Variants in NUDCD1 observed in about 807,000 individuals in gnomAD.
NUDCD1 encodes the protein nudC domain-containing protein 1.
NUDCD1 carries 60 observed loss-of-function variants against 67.8 expected under a neutral mutation model. The ratio of observed to expected loss-of-function variants is 0.88; its 90% CI spans 0.72 to 1.10. The LOEUF is 1.10. Ranked by LOEUF, NUDCD1 falls within the 50% of genes least tolerant of loss-of-function variation. The pLI, the probability that NUDCD1 is intolerant of heterozygous loss-of-function variation, is 0.00. For synonymous variants in NUDCD1, 244 were observed against 230.8 expected (o/e 1.06, Z -0.52); for missense variants, 643 against 695.0 (o/e 0.93, Z 0.84).
intron 9 of NUDCD1, 122 bp from the exon 10 acceptor site, chr8:109,243,423 A>T: frequency 1.4e-6 from 1 of 723,166 alleles, no homozygotes; most frequent in Non-Finnish European, 2.2e-6. Context: ...AGTAAAATAT[A>T]TACCATAAGG....
At chr8:109,265,979 C>A (rs559561778) in intron 8 of NUDCD1, among the ~76,000 whole-genome samples, 4 of 152,050 alleles carry the variant, frequency 2.6e-5, no homozygotes, top group African/African-American at 9.6e-5. Flanking sequence ...AAGAAATTCA[C>A]CATAATCTAA....
chr8:109,267,914 C>T (rs1033531295), intron 8 of NUDCD1, among the ~76,000 whole-genome samples: 6 of 152,130 alleles, frequency 3.9e-5, no homozygotes, highest in African/African-American at 7.2e-5. Flanking sequence ...AGCTTAGTAA[C>T]TCCAAATAGA....
chr8:109,312,318 A>AG (rs1815276230), intron 2 of NUDCD1, among the ~76,000 whole-genome samples: 1 of 151,344 alleles, frequency 6.6e-6, no homozygotes, highest in Non-Finnish European at 1.5e-5. Context: ...AAAAAAAAAA[A>AG]AAGCCCCAAA....
intron 1 of NUDCD1, among the ~76,000 whole-genome samples, chr8:109,333,167 A>C (rs1440978043): frequency 6.6e-6 from 1 of 152,256 alleles, no homozygotes; most frequent in Non-Finnish European, 1.5e-5. Context: ...AATTAACTGT[A>C]GATCACTATT....
Position 109,329,486 on chromosome 8 carries a change from T to C in NUDCD1, c.118+4407A>G, listed in dbSNP as rs538951183. Among the ~76,000 whole-genome samples the C allele has an allele frequency of 1.1e-4, 16 of 152,302 alleles. No individual in the cohort carries two copies. The South Asian group carries it at 2.7e-3, about 26-fold the overall frequency. On this transcript the variant is annotated intron_variant, in intron 1 of 9. Transcript: ENST00000239690. ...AAAACAGAAGAAAAAAGGCATGTTATGTATAGAGCAACAAAGATAGGATAA... is the reference window on the plus strand; with the variant it reads ...AAAACAGAAGAAAAAAGGCATGTTACGTATAGAGCAACAAAGATAGGATAA...
At chr8:109,259,472 G>A (rs925529728) in intron 8 of NUDCD1, among the ~76,000 whole-genome samples, 3 of 152,196 alleles carry the variant, frequency 2.0e-5, no homozygotes, top group African/African-American at 7.2e-5. Flanking sequence ...ATAAGAAGAT[G>A]GAATGCTGAC....
chr8:109,259,249 T>A (rs1319620445), intron 8 of NUDCD1, among the ~76,000 whole-genome samples: 1 of 152,246 alleles, frequency 6.6e-6, no homozygotes, highest in Non-Finnish European at 1.5e-5. Context: ...GAAGGCTTAC[T>A]GGCCATCTCC....
intron 1 of NUDCD1, among the ~76,000 whole-genome samples, chr8:109,327,441 G>A (rs1231549640): frequency 6.6e-6 from 1 of 152,002 alleles, no homozygotes; most frequent in African/African-American, 2.4e-5. Flanking sequence ...CCTCTGCTCT[G>A]AAGAAAGAAA....
Position 109,289,751 on chromosome 8 carries a change from C to CT in NUDCD1, c.822dup (p.Glu275ArgfsTer10), listed in dbSNP as rs1437343191. On this transcript the variant is annotated frameshift_variant and splice_region_variant, in exon 5 of 10. Transcript: ENST00000239690. LOFTEE classifies it high-confidence loss of function. ...AAGCTCTATTAAGAATAAAAATTACCTTTGATTTTCTCTGATATGTCTTCA... is the reference window on the plus strand; with the variant it reads ...AAGCTCTATTAAGAATAAAAATTACCTTTTGATTTTCTCTGATATGTCTTCA... 7.0e-7 allele frequency: 1 copy of CT among 1,419,884 alleles called. No homozygotes were observed. Among genetic ancestry groups the CT allele is most frequent in the Non-Finnish European group, 9.8e-7 (1 of 1,024,088 alleles). The allele number at this position is 1,419,884 out of a possible 1,614,324, so 88.0% of individuals were successfully genotyped here. A position where few individuals can be genotyped will look rare whatever the true frequency, so the allele number is the denominator to read the frequency against.
At chr8:109,263,427 T>C (rs1813917544) in intron 8 of NUDCD1, among the ~76,000 whole-genome samples, 2 of 152,312 alleles carry the variant, frequency 1.3e-5, no homozygotes, top group South Asian at 4.1e-4. Flanking sequence ...TTTTGCCCAG[T>C]GGGAATTTTA....
At chr8:109,290,361 A>T (rs1814683638) in intron 4 of NUDCD1, among the ~76,000 whole-genome samples, 1 of 152,046 alleles carries the variant, frequency 6.6e-6, no homozygotes, top group Non-Finnish European at 1.5e-5. Flanking sequence ...CTCCAACATG[A>T]CCGGCTTACT....
chr8:109,273,703 A>G (rs1272335991), intron 7 of NUDCD1, among the ~76,000 whole-genome samples: 2 of 152,114 alleles, frequency 1.3e-5, no homozygotes, highest in East Asian at 3.8e-4. Flanking sequence ...AGCAAACTCA[A>G]GGTCCAGATT....
intron 2 of NUDCD1, among the ~76,000 whole-genome samples, chr8:109,307,225 C>A (rs953050799): frequency 3.3e-5 from 5 of 152,190 alleles, no homozygotes; most frequent in Non-Finnish European, 7.3e-5. Flanking sequence ...CTTAAGATGG[C>A]ACTTTGTAAT....
chr8:109,270,152 G>C (rs1405616064), intron 8 of NUDCD1, among the ~76,000 whole-genome samples: 1 of 146,222 alleles, frequency 6.8e-6, no homozygotes, highest in African/African-American at 2.5e-5. Context: ...ACAAATTCCA[G>C]ATGAATTAAT....
At chr8:109,292,047 A>G (rs962875617) in intron 4 of NUDCD1, among the ~76,000 whole-genome samples, 1 of 152,178 alleles carries the variant, frequency 6.6e-6, no homozygotes, top group African/African-American at 2.4e-5. Context: ...TGAGCTAAGC[A>G]TGAATTTTAT....
At chr8:109,298,570 A>C (rs1814899567) in intron 2 of NUDCD1, 1 of 152,234 alleles carries the variant, frequency 6.6e-6, no homozygotes, top group Non-Finnish European at 1.5e-5. Flanking sequence ...CTGTTCTTAT[A>C]ATCTCAGGAT....
intron 8 of NUDCD1, among the ~76,000 whole-genome samples, chr8:109,260,369 G>T (rs2926206): frequency 0.64 from 97,024 of 151,872 alleles, 32,514 homozygotes; most frequent in African/African-American, 0.85. Context: ...AAATTTTTTT[G>T]TATACACAAG....
At chr8:109,269,941 A>C (rs1330509889) in intron 8 of NUDCD1, among the ~76,000 whole-genome samples, 1 of 84,304 alleles carries the variant, frequency 1.2e-5, no homozygotes, top group Admixed American at 1.3e-4. Flanking sequence ...ATAAGGTTCT[A>C]AATTAAAAAA....
intron 8 of NUDCD1, among the ~76,000 whole-genome samples, chr8:109,258,559 T>A (rs1224072151): frequency 1.3e-5 from 2 of 152,140 alleles, no homozygotes; most frequent in African/African-American, 4.8e-5. Flanking sequence ...GGATAGTAAT[T>A]TATGATAGCT....
Sources: allele counts gnomAD v4.1 joint callset (sites outside exome capture counted in the v4.1 genomes callset), GRCh38; gene constraint gnomAD v4.1.1; transcripts MANE v1.5; gene names NCBI Gene and HGNC (gene_info 2026-07-23, HGNC 2026-07-21).